Variants in SLC9A9 observed in about 807,000 individuals in gnomAD.
SLC9A9 encodes sodium/hydrogen exchanger 9.
A neutral mutation model predicts 77.8 loss-of-function variants in SLC9A9; 62 were observed. The ratio of observed to expected loss-of-function variants is 0.80; its 90% CI spans 0.65 to 0.98. The LOEUF (loss-of-function observed/expected upper bound fraction) is 0.98. SLC9A9 is among the 50% of genes least tolerant of loss of function. The pLI, the probability that SLC9A9 is intolerant of heterozygous loss-of-function variation, is 0.00. For missense variants in SLC9A9, 775 were observed against 774.9 expected, an observed-to-expected ratio of 1.00 and a Z score of 0.00; for synonymous variants, 320 against 283.5, an observed-to-expected ratio of 1.13 and a Z score of -1.29.
intron 12 of SLC9A9, among the ~76,000 whole-genome samples, chr3:143,424,401 G>C (rs1377068704): frequency 2.6e-5 from 4 of 151,914 alleles, no homozygotes; most frequent in Non-Finnish European, 5.9e-5. Context: ...TGAGTAGCTG[G>C]GGAGTAGCTG....
At chr3:143,392,509 A>G (rs1265920745) in intron 12 of SLC9A9, among the ~76,000 whole-genome samples, 1 of 152,016 alleles carries the variant, frequency 6.6e-6, no homozygotes, top group East Asian at 1.9e-4. Context: ...CCAAATTGTA[A>G]AGACCATCGA....
chr3:143,412,076 T>C (rs1003721404), intron 12 of SLC9A9, among the ~76,000 whole-genome samples: 3 of 152,030 alleles, frequency 2.0e-5, no homozygotes, highest in Non-Finnish European at 4.4e-5. Flanking sequence ...CACCCTGTAG[T>C]CAGGAGAGAC....
At chr3:143,481,646 C>T (rs1367721965) in intron 11 of SLC9A9, among the ~76,000 whole-genome samples, 2 of 152,142 alleles carry the variant, frequency 1.3e-5, no homozygotes, top group Non-Finnish European at 2.9e-5. Flanking sequence ...CTTCCATGTG[C>T]ACATGAATTA....
chr3:143,347,665 A>C (rs1031060622), intron 14 of SLC9A9, among the ~76,000 whole-genome samples: 1 of 152,182 alleles, frequency 6.6e-6, no homozygotes, highest in Non-Finnish European at 1.5e-5. Flanking sequence ...GCCCTTTGCT[A>C]TAACAAAAAG....
At chr3:143,337,658 T>C (rs1006408961) in intron 14 of SLC9A9, among the ~76,000 whole-genome samples, 2 of 152,154 alleles carry the variant, frequency 1.3e-5, no homozygotes, top group African/African-American at 4.8e-5. Flanking sequence ...TTAGTGCCAG[T>C]GAAGTGAACT....
chr3:143,728,544 A>T lies in SLC9A9; in HGVS notation c.534-35237T>A, dbSNP rs575831253. On this transcript the variant is annotated intron_variant, in intron 4 of 15. Transcript: ENST00000316549. ...TTGCCAGTGGTGGTAAGGTATTTGG[A>T]TTTTTTCTGAAATGCAAGAGAAGGC... Among the ~76,000 whole-genome samples, 4 of 151,974 alleles carry T rather than the reference A, an allele frequency of 2.6e-5. No individual in the cohort carries two copies. In the East Asian group the frequency reaches 7.8e-4, roughly 29 times the overall value.
intron 4 of SLC9A9, among the ~76,000 whole-genome samples, chr3:143,777,400 A>G (rs1196972874): frequency 3.9e-5 from 6 of 152,192 alleles, no homozygotes; most frequent in Non-Finnish European, 7.3e-5. Flanking sequence ...TCCCTTCTAG[A>G]GAAAAAAATG....
chr3:143,786,567 GT>G (rs2008064814), intron 4 of SLC9A9, among the ~76,000 whole-genome samples: 1 of 152,054 alleles, frequency 6.6e-6, no homozygotes, highest in Non-Finnish European at 1.5e-5. Flanking sequence ...TCTACCTTTT[GT>G]TTCTTTTTCC....
chr3:143,687,241 C>T (rs1933300415), intron 5 of SLC9A9, among the ~76,000 whole-genome samples: 1 of 152,092 alleles, frequency 6.6e-6, no homozygotes, highest in Non-Finnish European at 1.5e-5. Flanking sequence ...TAACAGCTAG[C>T]TAATATTTAG....
chr3:143,489,948 C>A (rs919188662), intron 11 of SLC9A9, among the ~76,000 whole-genome samples: 2 of 151,928 alleles, frequency 1.3e-5, no homozygotes, highest in African/African-American at 4.8e-5. Context: ...GAAGGAAATG[C>A]AAATCAAAAG....
At chr3:143,434,961 T>TC (rs1482277322) in intron 12 of SLC9A9, among the ~76,000 whole-genome samples, 2 of 152,180 alleles carry the variant, frequency 1.3e-5, no homozygotes, top group African/African-American at 4.8e-5. Flanking sequence ...TATTCCCTGG[T>TC]TGCCCAAATC....
At chr3:143,843,239 G>A (rs2009750737) in intron 1 of SLC9A9, among the ~76,000 whole-genome samples, 1 of 152,128 alleles carries the variant, frequency 6.6e-6, no homozygotes, top group South Asian at 2.1e-4. Context: ...TCCTGGAGGA[G>A]GGTAAAATGG....
chr3:143,584,873 G>C (rs2037516199), intron 6 of SLC9A9, among the ~76,000 whole-genome samples: 1 of 152,180 alleles, frequency 6.6e-6, no homozygotes, highest in Admixed American at 6.5e-5. Context: ...GAATATTCTA[G>C]AGCAGCAGCA....
chr3:143,769,568 T>G (rs577601062), intron 4 of SLC9A9, among the ~76,000 whole-genome samples: 3 of 152,194 alleles, frequency 2.0e-5, no homozygotes, highest in African/African-American at 7.2e-5. Context: ...CTTTTGCTAT[T>G]TTCTAAGAGT....
At chr3:143,664,144 C>T (rs2039024316) in intron 5 of SLC9A9, among the ~76,000 whole-genome samples, 1 of 152,198 alleles carries the variant, frequency 6.6e-6, no homozygotes, top group Non-Finnish European at 1.5e-5. Flanking sequence ...TGCAGAAACT[C>T]TACAAGCCAG....
At chr3:143,407,744 G>A (rs933445844) in intron 12 of SLC9A9, among the ~76,000 whole-genome samples, 1 of 152,156 alleles carries the variant, frequency 6.6e-6, no homozygotes, top group Non-Finnish European at 1.5e-5. Context: ...GTCAGGATAG[G>A]GAAGGAGTTT....
chr3:143,398,951 T>A lies in SLC9A9; in HGVS notation c.1470-16837A>T, dbSNP rs534818604. Among the ~76,000 whole-genome samples the A allele has an allele frequency of 6.6e-5, 10 of 152,088 alleles. No individual in the cohort carries two copies. The South Asian group carries it at 1.9e-3, about 28-fold the overall frequency. On this transcript the variant is annotated intron_variant, in intron 12 of 15. Coordinates refer to ENST00000316549, the MANE Select transcript of SLC9A9 (RefSeq NM_173653.4). ...GACCATATTATATTATAGACCATAT[T>A]AAGACCAGATGCTATTAATAATAAA...
At chr3:143,712,184 A>C (rs779837108) in intron 4 of SLC9A9, among the ~76,000 whole-genome samples, 3 of 152,146 alleles carry the variant, frequency 2.0e-5, no homozygotes, top group Non-Finnish European at 4.4e-5. Flanking sequence ...GGTTTCATGA[A>C]CCATCTGCAA....
rs115952238 is a variant in SLC9A9 at position 143,452,363 on chromosome 3, A to G, written c.1469+14674T>C. Among the ~76,000 whole-genome samples the G allele has an allele frequency of 5.8e-3, 889 of 152,146 alleles. 13 individuals carry two copies. The highest frequency in any genetic ancestry group is 0.02 in the African/African-American group (843 of 41,516). The stretch of plus-strand genomic sequence containing the variant: ...AGCCTTGACCTAATTTCTAGTTTAC[A>G]GGAAATATAGCACCGAAAAGAATAC... On this transcript the variant is annotated intron_variant, in intron 12 of 15. Transcript: ENST00000316549.
Sources: gnomAD v4.1 joint callset for allele counts (sites outside exome capture counted in the v4.1 genomes callset) on GRCh38, gnomAD v4.1.1 for gene constraint, MANE v1.5 for transcripts, NCBI Gene and HGNC (gene_info 2026-07-23, HGNC 2026-07-21) for gene names.